The following CUL3 variants were observed in gnomAD, a reference collection of about 807,000 sequenced individuals.
The protein encoded by CUL3 is cullin-3.
Under a neutral mutation model 89.1 loss-of-function variants are expected in CUL3, and 19 were observed. The observed-to-expected ratio is 0.21, with a 90% CI of 0.15 to 0.31. The LOEUF is 0.31. Among genes scored for constraint, CUL3 ranks in the 10% least tolerant of loss-of-function variants. The pLI is 1.00. For synonymous variants in CUL3, 351 were observed against 308.4 expected, an observed-to-expected ratio of 1.14 and a Z score of -1.45; for missense variants, 469 against 942.3, an observed-to-expected ratio of 0.50 and a Z score of 6.58.
intron 1 of CUL3, chr2:224,563,014 A>G (rs1694950963): frequency 3.4e-6 from 1 of 294,258 alleles, no homozygotes; most frequent in Middle Eastern, 1.2e-3. Flanking sequence ...CACAGCCCAG[A>G]GCACAGTATA....
intron 13 of CUL3, among the ~76,000 whole-genome samples, chr2:224,494,460 T>C (rs559681184): frequency 3.6e-4 from 55 of 152,156 alleles, no homozygotes; most frequent in African/African-American, 1.3e-3. Flanking sequence ...AAGCATATTA[T>C]AAAATTAGTT....
chr2:224,470,526 C>T lies in CUL3; in HGVS notation c.*3719G>A, dbSNP rs1691091416. On this transcript the variant is annotated 3_prime_UTR_variant, in exon 16 of 16. Coordinates refer to ENST00000264414, the MANE Select transcript of CUL3 (RefSeq NM_003590.5). ...CCATTCTTAACGTCTCTTCTTCCTT[C>T]TGGCTAATTTGACATAGGAAAGGCA... is the stretch of plus-strand genomic sequence containing the variant. The T allele has an allele frequency of 4.3e-6, 1 of 231,566 alleles. No individual in the cohort carries two copies. 14.3% of individuals were successfully genotyped at this position (231,566 alleles called of 1,614,324 possible).
intron 8 of CUL3, among the ~76,000 whole-genome samples, chr2:224,505,436 C>T (rs777830641): frequency 1.7e-4 from 26 of 152,070 alleles, no homozygotes; most frequent in Non-Finnish European, 2.9e-4. Flanking sequence ...CATACCTGGA[C>T]AGTTGTTCAG....
chr2:224,510,178 C>A (rs1025756968), intron 6 of CUL3, among the ~76,000 whole-genome samples: 1 of 149,756 alleles, frequency 6.7e-6, no homozygotes, highest in East Asian at 1.9e-4. Flanking sequence ...TGACTTGGAC[C>A]TCAATTTTAG....
At chr2:224,541,780 T>C (rs1694115486) in intron 2 of CUL3, among the ~76,000 whole-genome samples, 1 of 152,000 alleles carries the variant, frequency 6.6e-6, no homozygotes, top group Non-Finnish European at 1.5e-5. Flanking sequence ...TTATGCTGAA[T>C]GAAAGAAACC....
intron 2 of CUL3, among the ~76,000 whole-genome samples, chr2:224,552,732 G>A (rs922781646): frequency 7.2e-5 from 11 of 152,108 alleles, no homozygotes; most frequent in African/African-American, 2.7e-4. Flanking sequence ...GAAAAGATGG[G>A]TCTTGGCTAT....
At chr2:224,535,807 G>C (rs575820866) in intron 2 of CUL3, among the ~76,000 whole-genome samples, 166 bp from the exon 3 acceptor site, 1 of 152,162 alleles carries the variant, frequency 6.6e-6, no homozygotes, top group Non-Finnish European at 1.5e-5. Flanking sequence ...ATACACAGAA[G>C]AGTATCAAAT....
At chr2:224,502,525 T>C (rs1438600750) in intron 10 of CUL3, among the ~76,000 whole-genome samples, 1 of 152,148 alleles carries the variant, frequency 6.6e-6, no homozygotes, top group Non-Finnish European at 1.5e-5. Context: ...GTAAGTCCCA[T>C]TTAAGCTAAA....
At chr2:224,535,735 G>A in intron 2 of CUL3, 94 bp from the exon 3 acceptor site, 1 of 761,350 alleles carries the variant, frequency 1.3e-6, no homozygotes, top group Non-Finnish European at 2.2e-6. Context: ...TAATGAAGTG[G>A]AATCTTTAAT....
Position 224,497,756 on chromosome 2 carries a change from T to C in CUL3, c.1704A>G (p.Lys568=). The change falls in exon 12 of 16, where the codon AAA becomes AAG. Residue 568 remains lysine (K), a synonymous_variant. Coordinates refer to ENST00000264414, the MANE Select transcript of CUL3 (RefSeq NM_003590.5). ...CGTTCAAACTATCAATATTTACCTT[T>C]TTAACTGGTCCATAAAATGTGGCAT... ...DLNATFYGPV[K]KEDGSEVGVG... 6.2e-7 allele frequency: 1 copy of C among 1,610,718 alleles called. No individual in the cohort carries two copies. The highest frequency in any genetic ancestry group is 1.3e-5 in the African/African-American group (1 of 74,942).
chr2:224,498,785 T>G (rs189993035), intron 11 of CUL3, among the ~76,000 whole-genome samples: 1 of 152,342 alleles, frequency 6.6e-6, no homozygotes, highest in African/African-American at 2.4e-5. Context: ...ATTAATGGAT[T>G]AAAACCTAGC....
Position 224,585,341 on chromosome 2 carries a change from T to C in CUL3, c.-332A>G. On this transcript the variant is annotated 5_prime_UTR_variant, in exon 1 of 16. Coordinates refer to ENST00000264414, the MANE Select transcript of CUL3 (RefSeq NM_003590.5). ...CGGCGGCGACGGACAAACATCTCAC[T>C]GCGCAGGCCGAACGTCGTCCTCCTC... 2.5e-6 allele frequency: 1 copy of C among 400,752 alleles called. No individual in the cohort carries two copies. Among genetic ancestry groups the C allele is most frequent in the East Asian group, 3.6e-5 (1 of 28,132 alleles). The allele number at this position is 400,752 out of a possible 1,614,324, so 24.8% of individuals were successfully genotyped here. A position where few individuals can be genotyped will look rare whatever the true frequency, so the allele number is the denominator to read the frequency against.
intron 3 of CUL3, among the ~76,000 whole-genome samples, chr2:224,528,636 C>T (rs1693571180): frequency 6.6e-6 from 1 of 152,268 alleles, no homozygotes; most frequent in Admixed American, 6.5e-5. Flanking sequence ...ACTAAGGAGA[C>T]TAGAATACCA....
chr2:224,518,570 A>G, intron 3 of CUL3, among the ~76,000 whole-genome samples: 1 of 152,208 alleles, frequency 6.6e-6, no homozygotes, highest in East Asian at 1.9e-4. Context: ...TTTAATAAAA[A>G]ACCTCTAATA....
Position 224,513,577 on chromosome 2 carries a change from A to T in CUL3, c.601T>A (p.Tyr201Asn), listed in dbSNP as rs2106220787. Residue 201 changes from tyrosine (Y) to asparagine (N), a missense_variant, in exon 5 of 16, where the codon TAT becomes AAT. Tyr to Asn is a moderately radical substitution (Grantham distance 143, BLOSUM62 -2). Transcript: ENST00000264414. The part of the protein sequence containing the change: ...MILGLEGRSV[Y>N]EEDFEAPFLE... ...AAAGGAGCCTCAAAATCTTCTTCAT[A>T]GACTGATCTTCCTTCGAGACCTAAA... 6.2e-7 allele frequency: 1 copy of T among 1,604,016 alleles called. No individual in the cohort carries two copies. Among genetic ancestry groups the T allele is most frequent in the Non-Finnish European group, 8.5e-7 (1 of 1,177,678 alleles).
chr2:224,540,600 C>A (rs1330187881), intron 2 of CUL3, among the ~76,000 whole-genome samples: 1 of 152,184 alleles, frequency 6.6e-6, no homozygotes, highest in Non-Finnish European at 1.5e-5. Context: ...TGTCTCTTCC[C>A]TTTGCAGAAC....
intron 1 of CUL3, among the ~76,000 whole-genome samples, chr2:224,565,272 T>G (rs1039926480): frequency 2.0e-5 from 3 of 152,150 alleles, no homozygotes; most frequent in African/African-American, 7.2e-5. Flanking sequence ...AGAAAATGTA[T>G]TTGGTATTCA....
rs200427200 is a variant in CUL3 at position 224,500,530 on chromosome 2, G to T, written c.1486-43C>A. ...AGATATTCCCCTCAAAATTAACTAGGATTTGCTTTCTGTTCTGTTTAGACA... is the reference window on the plus strand; with the variant it reads ...AGATATTCCCCTCAAAATTAACTAGTATTTGCTTTCTGTTCTGTTTAGACA... On this transcript the variant is annotated intron_variant, in intron 10 of 15. Coordinates refer to ENST00000264414, the MANE Select transcript of CUL3 (RefSeq NM_003590.5). The T allele has an allele frequency of 3.1e-6, 5 of 1,600,548 alleles. No individual in the cohort carries two copies. The African/African-American group carries it at 6.7e-5, about 21-fold the overall frequency.
At chr2:224,566,252 T>C (rs558468226) in intron 1 of CUL3, among the ~76,000 whole-genome samples, 1 of 152,238 alleles carries the variant, frequency 6.6e-6, no homozygotes, top group Non-Finnish European at 1.5e-5. Context: ...AAAGCACTGA[T>C]GGAACCAATC....
Sources: gnomAD v4.1 joint callset for allele counts (sites outside exome capture counted in the v4.1 genomes callset) on GRCh38, gnomAD v4.1.1 for gene constraint, MANE v1.5 for transcripts, NCBI Gene and HGNC (gene_info 2026-07-23, HGNC 2026-07-21) for gene names.